The following ABCG1 variants were observed in gnomAD, a reference collection of about 807,000 sequenced individuals.
ABCG1 encodes ATP-binding cassette sub-family G member 1.
In ABCG1, 29 loss-of-function variants were observed where a neutral mutation model predicts 69.2. The ratio of observed to expected loss-of-function variants is 0.42; its 90% CI spans 0.31 to 0.57. The LOEUF is 0.57. Among genes scored for constraint, ABCG1 ranks in the 20% least tolerant of loss-of-function variants. The probability of loss-of-function intolerance (pLI) is 0.15; values close to 1 mark genes in which losing one functional copy is unlikely to be tolerated. For missense variants in ABCG1, 718 were observed against 898.1 expected, an observed-to-expected ratio of 0.80 and a Z score of 2.56; for synonymous variants, 370 against 374.8, an observed-to-expected ratio of 0.99 and a Z score of 0.15.
chr21:42,223,806 T>G (rs2067769491), intron 1 of ABCG1, among the ~76,000 whole-genome samples: 1 of 152,134 alleles, frequency 6.6e-6, no homozygotes. Context: ...CTCATGATAA[T>G]GTAGATGGGT....
At chr21:42,289,277 G>A (rs111346117) in intron 10 of ABCG1, among the ~76,000 whole-genome samples, 3,259 of 152,106 alleles carry the variant, frequency 0.021, 63 homozygotes, top group Middle Eastern at 0.088. Flanking sequence ...TTCTCATCCC[G>A]GGACAGCTCC....
intron 5 of ABCG1, among the ~76,000 whole-genome samples, chr21:42,281,880 T>G (rs961313156): frequency 6.6e-6 from 1 of 152,222 alleles, no homozygotes; most frequent in African/African-American, 2.4e-5. Flanking sequence ...CTCTCATGTG[T>G]CCATTCATCA....
chr21:42,223,095 GC>G lies in ABCG1; in HGVS notation c.43-2572del, dbSNP rs778501752. Among the ~76,000 whole-genome samples the G allele has an allele frequency of 3.3e-5, 5 of 152,152 alleles. 1 individual carries two copies. The East Asian group carries it at 9.7e-4, about 29-fold the overall frequency. ...GCCCTTCCCCATGGGGACCTTGTTT[GC>G]CCCTCTAGTCTCATCTTATTCTAAA... is the stretch of plus-strand genomic sequence containing the variant. On this transcript the variant is annotated intron_variant, in intron 1 of 14. Transcript: ENST00000398449.
intron 2 of ABCG1, among the ~76,000 whole-genome samples, chr21:42,269,732 G>A (rs971754026): frequency 2.6e-5 from 4 of 152,138 alleles, no homozygotes; most frequent in Non-Finnish European, 5.9e-5. Flanking sequence ...GCATTTTCCG[G>A]TGTCCTATCT....
At position 42,284,641 on chromosome 21, in the gene ABCG1, C is replaced by T. The variant is rs776350291; in HGVS notation, c.816C>T (p.Thr272=). Residue 272 remains threonine (T), a synonymous_variant, in exon 7 of 15, where the codon ACC becomes ACT. Transcript: ENST00000398449. ...LAQGGRSIIC[T]IHQPSAKLFE... is the part of the protein sequence containing the mutation. ...AAGGGGGTCGCTCCATCATTTGCAC[C>T]ATCCACCAGCCCAGCGCCAAACTCT... is the stretch of plus-strand genomic sequence containing the variant. 10 of 1,613,956 alleles carry T rather than the reference C, an allele frequency of 6.2e-6. No individual in the cohort carries two copies. The East Asian group carries it at 1.8e-4, about 29-fold the overall frequency.
At chr21:42,254,478 C>T (rs1415305002) in intron 2 of ABCG1, among the ~76,000 whole-genome samples, 1 of 152,180 alleles carries the variant, frequency 6.6e-6, no homozygotes, top group Non-Finnish European at 1.5e-5. Flanking sequence ...CTTAGAATCC[C>T]TCACGTGTGT....
intron 2 of ABCG1, among the ~76,000 whole-genome samples, chr21:42,228,134 A>C (rs1474607386): frequency 6.6e-6 from 1 of 152,142 alleles, no homozygotes; most frequent in Non-Finnish European, 1.5e-5. Flanking sequence ...GCTTGTAGTG[A>C]GGGAGGAGCC....
intron 14 of ABCG1, among the ~76,000 whole-genome samples, chr21:42,295,842 C>T (rs371239774): frequency 2.3e-4 from 35 of 152,170 alleles, no homozygotes; most frequent in Admixed American, 3.3e-4. Context: ...TCCCTCCAAC[C>T]GTTAGAAAGC....
chr21:42,243,706 C>T (rs1460465370), intron 2 of ABCG1, among the ~76,000 whole-genome samples: 1 of 151,992 alleles, frequency 6.6e-6, no homozygotes, highest in Non-Finnish European at 1.5e-5. Flanking sequence ...TTGCAGGATT[C>T]CCGGCGCCCT....
chr21:42,240,776 C>T (rs1295457364), intron 2 of ABCG1, among the ~76,000 whole-genome samples: 3 of 152,234 alleles, frequency 2.0e-5, no homozygotes, highest in Non-Finnish European at 4.4e-5. Flanking sequence ...AGAATGAAGC[C>T]GCATCATTGA....
chr21:42,200,286 C>T (rs2067495946), intron 1 of ABCG1, among the ~76,000 whole-genome samples: 1 of 152,234 alleles, frequency 6.6e-6, no homozygotes, highest in Admixed American at 6.5e-5. Flanking sequence ...GGATTGCCTA[C>T]TCCTCTGCAG....
At chr21:42,270,866 A>C (rs1029093519) in intron 2 of ABCG1, among the ~76,000 whole-genome samples, 1 of 152,248 alleles carries the variant, frequency 6.6e-6, no homozygotes, top group Non-Finnish European at 1.5e-5. Context: ...TATTATCATT[A>C]TTATAACCTG....
intron 3 of ABCG1, among the ~76,000 whole-genome samples, chr21:42,271,471 G>T (rs2068616458): frequency 6.6e-6 from 1 of 152,236 alleles, no homozygotes; most frequent in African/African-American, 2.4e-5. Flanking sequence ...CAAGTTCAGG[G>T]AGAGGGGTGG....
At chr21:42,275,646 C>T (rs1223450604) in intron 4 of ABCG1, among the ~76,000 whole-genome samples, 2 of 152,192 alleles carry the variant, frequency 1.3e-5, no homozygotes, top group East Asian at 1.9e-4. Context: ...TCCACAGATG[C>T]GACTAGGGAC....
chr21:42,212,935 C>T (rs145656134), upstream of ABCG1, among the ~76,000 whole-genome samples: 10,987 of 152,206 alleles, frequency 0.072, 509 homozygotes, highest in East Asian at 0.21. Context: ...CCTCGTGATC[C>T]GCCCGCCTTG....
At chr21:42,295,022 A>G (rs112246152) in intron 14 of ABCG1, 25 of 218,462 alleles carry the variant, frequency 1.1e-4, no homozygotes, top group African/African-American at 5.1e-4. Context: ...TAAAACCTTT[A>G]TAAGAAATCT....
chr21:42,215,264 T>C (rs1189825518), upstream of ABCG1, among the ~76,000 whole-genome samples: 1 of 152,214 alleles, frequency 6.6e-6, no homozygotes, highest in South Asian at 2.1e-4. Context: ...GACATGTGAC[T>C]CCCCTGCACC....
At chr21:42,279,609 C>T (rs900913001) in intron 5 of ABCG1, among the ~76,000 whole-genome samples, 1 of 152,316 alleles carries the variant, frequency 6.6e-6, no homozygotes, top group South Asian at 2.1e-4. Flanking sequence ...TCTCTGAGCT[C>T]GATGGAGCCC....
intron 2 of ABCG1, among the ~76,000 whole-genome samples, chr21:42,256,982 C>T (rs1444460452): frequency 6.6e-6 from 1 of 152,262 alleles, no homozygotes; most frequent in East Asian, 1.9e-4. Context: ...GTAATTGCAA[C>T]TCCAGCAGCA....
Sources: gnomAD v4.1 joint callset for allele counts (sites outside exome capture counted in the v4.1 genomes callset) on GRCh38, gnomAD v4.1.1 for gene constraint, MANE v1.5 for transcripts, NCBI Gene and HGNC (gene_info 2026-07-23, HGNC 2026-07-21) for gene names.